ACBD6: variants seen among roughly 807,000 people sequenced by gnomAD.
ACBD6 encodes the protein acyl-CoA-binding domain-containing protein 6.
Under a neutral mutation model 37.2 loss-of-function variants are expected in ACBD6, and 28 were observed. The observed-to-expected ratio is 0.75, with a 90% CI of 0.56 to 1.03. The LOEUF (loss-of-function observed/expected upper bound fraction) is 1.03. Among genes scored for constraint, ACBD6 ranks in the 50% least tolerant of loss-of-function variants. The pLI is 0.00. For synonymous variants in ACBD6, 113 were observed against 126.8 expected (o/e 0.89, Z 0.73); for missense variants, 340 against 337.4 (o/e 1.01, Z -0.06).
intron 3 of ACBD6, among the ~76,000 whole-genome samples, chr1:180,431,579 G>A (rs1346472795): frequency 6.6e-6 from 1 of 152,074 alleles, no homozygotes; most frequent in Non-Finnish European, 1.5e-5. Flanking sequence ...TGATATTTTT[G>A]ACTTATAATA....
chr1:180,337,940 C>A (rs555563724), intron 6 of ACBD6, among the ~76,000 whole-genome samples: 4 of 152,274 alleles, frequency 2.6e-5, no homozygotes, highest in African/African-American at 7.2e-5. Flanking sequence ...ATACAACTTA[C>A]AAGGGATGTG....
chr1:180,487,690 T>G (rs1557891383), intron 3 of ACBD6, among the ~76,000 whole-genome samples: 1 of 151,884 alleles, frequency 6.6e-6, no homozygotes, highest in South Asian at 2.1e-4. Flanking sequence ...GTTCTCAACT[T>G]AAGGAAAGAA....
rs528584401 is a variant in ACBD6 at position 180,343,642 on chromosome 1, T to C, written c.664-28920A>G. Reference sequence around the variant, plus strand: ...CCTCCTTCATCTTTTAACTGTATTATGTTTGTGTTCTTCTGCTCCTTTGAA... The same window carrying C: ...CCTCCTTCATCTTTTAACTGTATTACGTTTGTGTTCTTCTGCTCCTTTGAA... On this transcript the variant is annotated intron_variant, in intron 6 of 7. Transcript: ENST00000367595. 4.6e-5 allele frequency among the ~76,000 whole-genome samples: 7 copies of C among 152,378 alleles called. No individual in the cohort carries two copies. In the South Asian group the frequency reaches 1.2e-3, roughly 27 times the overall value.
intron 1 of ACBD6, among the ~76,000 whole-genome samples, chr1:180,497,196 G>A (rs1046911585): frequency 6.6e-6 from 1 of 152,144 alleles, no homozygotes; most frequent in African/African-American, 2.4e-5. Context: ...ACACTATCCA[G>A]TGGCAGAAAC....
exon 14 of ACBD6, chr1:180,270,958 AG>A (rs1033104822): frequency 1.6e-5 from 5 of 307,162 alleles, no homozygotes; most frequent in African/African-American, 6.5e-5. Flanking sequence ...GATGAGACAG[AG>A]GGGAGGGCAT....
At position 180,420,711 on chromosome 1, in the gene ACBD6, A is replaced by C. The variant is rs535151756; in HGVS notation, c.468-7240T>G. Among the ~76,000 whole-genome samples, 23 of 152,320 alleles carry C rather than the reference A, an allele frequency of 1.5e-4. No individual in the cohort carries two copies. The South Asian group carries it at 4.8e-3, about 32-fold the overall frequency. ...AAAAGAATCAATGGAACCAATCCAG[A>C]AAAAGGGTTCTCATTGTCCGGGGCT... is the stretch of plus-strand genomic sequence containing the variant. On this transcript the variant is annotated intron_variant, in intron 4 of 7. Coordinates refer to ENST00000367595, the MANE Select transcript of ACBD6 (RefSeq NM_032360.4).
intron 7 of ACBD6, among the ~76,000 whole-genome samples, chr1:180,296,111 T>A (rs974575725): frequency 1.3e-5 from 2 of 152,164 alleles, no homozygotes; most frequent in African/African-American, 4.8e-5. Context: ...CAAAACAGCC[T>A]TATTGCTGAT....
chr1:180,352,048 A>C (rs1652441128), intron 6 of ACBD6, among the ~76,000 whole-genome samples: 1 of 152,212 alleles, frequency 6.6e-6, no homozygotes, highest in South Asian at 2.1e-4. Flanking sequence ...CAGACACAAA[A>C]GGACAAATAT....
At chr1:180,338,791 G>T (rs1294437044) in intron 6 of ACBD6, among the ~76,000 whole-genome samples, 1 of 151,954 alleles carries the variant, frequency 6.6e-6, no homozygotes, top group African/African-American at 2.4e-5. Context: ...TCTGACAAAG[G>T]GTTAATATCC....
intron 3 of ACBD6, among the ~76,000 whole-genome samples, chr1:180,472,531 C>A (rs1300895457): frequency 6.6e-6 from 1 of 151,782 alleles, no homozygotes. Context: ...TGTGTGTGTG[C>A]GGGGGTGCGG....
intron 6 of ACBD6, among the ~76,000 whole-genome samples, chr1:180,369,071 T>C (rs2101912633): frequency 6.6e-6 from 1 of 152,338 alleles, no homozygotes; most frequent in Middle Eastern, 3.4e-3. Context: ...CAAGGAAGAA[T>C]GTTCAAAGGA....
chr1:180,302,545 CT>C (rs1558240532), intron 7 of ACBD6, among the ~76,000 whole-genome samples: 1 of 152,114 alleles, frequency 6.6e-6, no homozygotes, highest in African/African-American at 2.4e-5. Flanking sequence ...CAACCCCTGT[CT>C]TTTTTTGTTT....
At chr1:180,475,888 G>A (rs556965944) in intron 3 of ACBD6, among the ~76,000 whole-genome samples, 15 of 152,258 alleles carry the variant, frequency 9.9e-5, no homozygotes, top group African/African-American at 3.6e-4. Flanking sequence ...GAAAGAGTTG[G>A]TGGGGCACTT....
At chr1:180,457,586 T>C (rs780423290) in intron 3 of ACBD6, among the ~76,000 whole-genome samples, 41 of 152,042 alleles carry the variant, frequency 2.7e-4, no homozygotes, top group Admixed American at 1.2e-3. Context: ...CTAAGGAATC[T>C]TACAATCAAA....
chr1:180,502,456 C>T lies in ACBD6; in HGVS notation c.-190G>A, dbSNP rs902018652. On this transcript the variant is annotated 5_prime_UTR_variant, in exon 1 of 8. Coordinates refer to ENST00000367595, the MANE Select transcript of ACBD6 (RefSeq NM_032360.4). ...ACTTCTACTCCCTGGGCGTGCAGAGCAGGCTCCTCGACCCTCTGCCGCTCT... is the reference window on the plus strand; with the variant it reads ...ACTTCTACTCCCTGGGCGTGCAGAGTAGGCTCCTCGACCCTCTGCCGCTCT... 4.5e-6 allele frequency: 3 copies of T among 665,244 alleles called. No individual in the cohort carries two copies. Among genetic ancestry groups the T allele is most frequent in the Non-Finnish European group, 8.0e-6 (3 of 375,178 alleles). 41.2% of individuals were successfully genotyped at this position (665,244 alleles called of 1,614,324 possible).
intron 1 of ACBD6, among the ~76,000 whole-genome samples, chr1:180,500,544 A>C (rs1163476100): frequency 2.0e-5 from 3 of 151,598 alleles, no homozygotes; most frequent in Admixed American, 6.6e-5. Flanking sequence ...AATACAAGAA[A>C]TTAGTTGGGC....
chr1:180,485,689 C>T (rs1209463049), intron 3 of ACBD6, among the ~76,000 whole-genome samples: 1 of 152,160 alleles, frequency 6.6e-6, no homozygotes, highest in Non-Finnish European at 1.5e-5. Flanking sequence ...TTGTTTTAAA[C>T]CACAATGTGC....
intron 6 of ACBD6, among the ~76,000 whole-genome samples, chr1:180,316,229 G>C (rs1437873553): frequency 6.6e-6 from 1 of 151,652 alleles, no homozygotes; most frequent in Non-Finnish European, 1.5e-5. Context: ...GAAAGCTAAG[G>C]GCAATTTCAA....
At chr1:180,284,827 A>T (rs894295550), downstream of ACBD6, among the ~76,000 whole-genome samples, 6 of 152,126 alleles carry the variant, frequency 3.9e-5, no homozygotes, top group Admixed American at 2.0e-4. Flanking sequence ...TTGATATGAA[A>T]GGCTTGCATA....
Sources: gnomAD v4.1 joint callset for allele counts (sites outside exome capture counted in the v4.1 genomes callset) on GRCh38, gnomAD v4.1.1 for gene constraint, MANE v1.5 for transcripts, NCBI Gene and HGNC (gene_info 2026-07-23, HGNC 2026-07-21) for gene names.